The following MCTP2 variants were observed in gnomAD, a reference collection of about 807,000 sequenced individuals.
MCTP2 encodes the protein multiple C2 and transmembrane domain-containing protein 2.
A neutral mutation model predicts 111.6 loss-of-function variants in MCTP2; 132 were observed. That is an observed-to-expected ratio of 1.18 (90% CI 1.03 to 1.37). The LOEUF (loss-of-function observed/expected upper bound fraction) is 1.37. Among genes scored for constraint, MCTP2 ranks in the 40% most tolerant of loss-of-function variants. The probability of loss-of-function intolerance (pLI) is 0.00; values close to 1 mark genes in which losing one functional copy is unlikely to be tolerated. For missense variants in MCTP2, 1,183 were observed against 1,067.9 expected, an observed-to-expected ratio of 1.11 and a Z score of -1.50; for synonymous variants, 395 against 387.7, an observed-to-expected ratio of 1.02 and a Z score of -0.22.
intron 14 of MCTP2, among the ~76,000 whole-genome samples, chr15:94,387,448 C>A (rs139418910): frequency 6.6e-6 from 1 of 152,218 alleles, no homozygotes; most frequent in East Asian, 1.9e-4. Flanking sequence ...TAAACTAATG[C>A]ATTTTTCAAA....
At chr15:94,404,219 G>T (rs968491457) in intron 17 of MCTP2, among the ~76,000 whole-genome samples, 1 of 151,762 alleles carries the variant, frequency 6.6e-6, no homozygotes, top group African/African-American at 2.4e-5. Context: ...AACCATTTCT[G>T]CTATTAAAAT....
chr15:94,243,850 T>C lies in MCTP2; in HGVS notation c.-66+12186T>C, dbSNP rs901892800. 6.7e-5 allele frequency among the ~76,000 whole-genome samples: 10 copies of C among 148,246 alleles called. No homozygotes were observed. In the South Asian group the frequency reaches 1.7e-3, roughly 25 times the overall value. ...ATATGTATATATTTATGTACACATA[T>C]ATGTATACACATACATATGTGTATA... On this transcript the variant is annotated intron_variant, in intron 1 of 22. Coordinates refer to ENST00000357742, the MANE Select transcript of MCTP2 (RefSeq NM_001385001.1).
chr15:94,311,306 CA>C (rs146846574), intron 2 of MCTP2, among the ~76,000 whole-genome samples: 38,131 of 151,884 alleles, frequency 0.25, 6,702 homozygotes, highest in African/African-American at 0.49. Context: ...GGATTACAGG[CA>C]TGAGCCACTA....
Position 94,401,942 on chromosome 15 carries a change from G to T in MCTP2, c.2008G>T (p.Ala670Ser). The T allele has an allele frequency of 6.2e-7, 1 of 1,612,646 alleles. No individual in the cohort carries two copies. The highest frequency in any genetic ancestry group is 2.2e-5 in the East Asian group (1 of 44,832). The change falls in exon 17 of 23, where the codon GCA (alanine) becomes TCA (serine). Residue 670 changes from alanine (A) to serine (S), a missense_variant. Transcript: ENST00000357742. ...GGACCGTGTGAAAAGAATCACTATG[G>T]CAATATGGAATACAATGCAGTTCCT... ...DVDRVKRITM[A>S]IWNTMQFLKS...
chr15:94,264,422 C>A (rs2152286896), intron 1 of MCTP2, among the ~76,000 whole-genome samples: 2 of 152,174 alleles, frequency 1.3e-5, no homozygotes, highest in African/African-American at 4.8e-5. Context: ...TCCTGGCTAA[C>A]ACAGCGAAAC....
intron 22 of MCTP2, among the ~76,000 whole-genome samples, chr15:94,477,613 C>G (rs1007102882): frequency 2.6e-5 from 4 of 152,282 alleles, no homozygotes; most frequent in Admixed American, 1.3e-4. Context: ...TTTAATATCT[C>G]AGAGAATCCC....
intron 2 of MCTP2, among the ~76,000 whole-genome samples, chr15:94,301,750 TAATTGA>T (rs941241423): frequency 2.6e-5 from 4 of 152,196 alleles, no homozygotes; most frequent in African/African-American, 7.2e-5. Flanking sequence ...TTTTATATGA[TAATTGA>T]AATTAGAGGT....
intron 21 of MCTP2, 21 bp from the exon 22 acceptor site, chr15:94,476,675 T>C (rs748440512): frequency 1.7e-6 from 2 of 1,193,660 alleles, no homozygotes; most frequent in Non-Finnish European, 2.5e-6. Flanking sequence ...TAAAGAGATC[T>C]CCTGTGTTTC....
chr15:94,276,194 T>A (rs2074202268), intron 1 of MCTP2, among the ~76,000 whole-genome samples: 1 of 152,084 alleles, frequency 6.6e-6, no homozygotes, highest in East Asian at 1.9e-4. Flanking sequence ...TTCTTTGTAT[T>A]CTATGCCAGA....
At chr15:94,474,169 A>C (rs1159774183) in intron 21 of MCTP2, among the ~76,000 whole-genome samples, 1 of 152,208 alleles carries the variant, frequency 6.6e-6, no homozygotes, top group Non-Finnish European at 1.5e-5. Flanking sequence ...TTAGGTTAAA[A>C]AAATCTAAGG....
intron 1 of MCTP2, among the ~76,000 whole-genome samples, chr15:94,245,114 G>A (rs761435271): frequency 7.4e-5 from 11 of 148,532 alleles, no homozygotes; most frequent in East Asian, 2.0e-4. Flanking sequence ...GTTTATATAT[G>A]TATATGTATA....
At chr15:94,232,489 C>A (rs1040385479) in intron 1 of MCTP2, among the ~76,000 whole-genome samples, 1 of 152,114 alleles carries the variant, frequency 6.6e-6, no homozygotes, top group Non-Finnish European at 1.5e-5. Context: ...AATTCAGACA[C>A]CACTTATTGA....
chr15:94,439,964 T>A (rs1465930526), intron 17 of MCTP2, among the ~76,000 whole-genome samples: 2 of 152,208 alleles, frequency 1.3e-5, no homozygotes, highest in Non-Finnish European at 2.9e-5. Context: ...CCACTGTATC[T>A]GTCTATTCCA....
intron 17 of MCTP2, among the ~76,000 whole-genome samples, chr15:94,427,029 T>G (rs2082926969): frequency 6.6e-6 from 1 of 152,194 alleles, no homozygotes; most frequent in Non-Finnish European, 1.5e-5. Context: ...AGCCACTTTC[T>G]GCTTGGTCTT....
intron 17 of MCTP2, among the ~76,000 whole-genome samples, chr15:94,422,550 C>T (rs556224277): frequency 1.3e-5 from 2 of 152,246 alleles, no homozygotes; most frequent in South Asian, 4.1e-4. Flanking sequence ...TTCCCATTTC[C>T]CTTGCCCACT....
At chr15:94,464,257 T>TATTATATATATATATATTATATA (rs4001978) in intron 20 of MCTP2, among the ~76,000 whole-genome samples, 9 of 44,944 alleles carry the variant, frequency 2.0e-4, no homozygotes, top group African/African-American at 5.4e-4. Flanking sequence ...TATATATATA[T>TATTATATATATATATATTATATA]TATATATATA....
chr15:94,251,421 C>T (rs994708201), intron 1 of MCTP2, among the ~76,000 whole-genome samples: 10 of 151,474 alleles, frequency 6.6e-5, no homozygotes, highest in African/African-American at 1.2e-4. Flanking sequence ...TGCAGTGGCG[C>T]GATCTCAGCT....
chr15:94,235,250 G>A (rs1429390602), intron 1 of MCTP2, among the ~76,000 whole-genome samples: 3 of 115,104 alleles, frequency 2.6e-5, no homozygotes, highest in Non-Finnish European at 5.5e-5. Context: ...GCGAAACTCC[G>A]TCTCAAAAAA....
At chr15:94,440,952 G>T (rs995839378) in intron 18 of MCTP2, among the ~76,000 whole-genome samples, 1 of 151,986 alleles carries the variant, frequency 6.6e-6, no homozygotes, top group African/African-American at 2.4e-5. Flanking sequence ...CACCCCATAA[G>T]ATCTTTTTCT....
Sources: allele counts gnomAD v4.1 joint callset (sites outside exome capture counted in the v4.1 genomes callset), GRCh38; gene constraint gnomAD v4.1.1; transcripts MANE v1.5; gene names NCBI Gene and HGNC (gene_info 2026-07-23, HGNC 2026-07-21).